SKIL: variants seen among roughly 807,000 people sequenced by gnomAD.
SKIL encodes SKI like proto-oncogene, also known as ski-like protein.
SKIL carries 20 observed loss-of-function variants against 69.6 expected under a neutral mutation model. That is an observed-to-expected ratio of 0.29 (90% CI 0.20 to 0.42). The LOEUF is 0.42. Among genes scored for constraint, SKIL ranks in the 10% least tolerant of loss-of-function variants. The pLI is 1.00. For synonymous variants in SKIL, 310 were observed against 279.9 expected, an observed-to-expected ratio of 1.11 and a Z score of -1.08; for missense variants, 745 against 783.1, an observed-to-expected ratio of 0.95 and a Z score of 0.58.
At chr3:170,364,154 T>C (rs1736383092) in intron 2 of SKIL, among the ~76,000 whole-genome samples, 2 of 152,024 alleles carry the variant, frequency 1.3e-5, no homozygotes, top group Non-Finnish European at 2.9e-5. Flanking sequence ...GGTTTCACCA[T>C]GTTGCCCAGG....
In SKIL at chr3:170,393,569, ATCT is replaced by A. The variant is rs1393412837; in HGVS notation, c.*1156_*1158del. 2 of 152,172 alleles carry A rather than the reference ATCT, an allele frequency of 1.3e-5. No individual in the cohort carries two copies. Among genetic ancestry groups the A allele is most frequent in the African/African-American group, 2.4e-5 (1 of 41,456 alleles). The allele number at this position is 152,172 out of a possible 1,614,324, so 9.4% of individuals were successfully genotyped here. A position where few individuals can be genotyped will look rare whatever the true frequency, so the allele number is the denominator to read the frequency against. On this transcript the variant is annotated 3_prime_UTR_variant, in exon 7 of 7. Coordinates refer to ENST00000259119, the MANE Select transcript of SKIL (RefSeq NM_005414.5). ...ATTCCATAGTTTCAGGAGGGACAAC[ATCT>A]TCTGCACTTTTTTTTTGCACAGAAA...
At chr3:170,380,174 CAA>C (rs1737258896) in intron 2 of SKIL, among the ~76,000 whole-genome samples, 1 of 152,074 alleles carries the variant, frequency 6.6e-6, no homozygotes, top group East Asian at 1.9e-4. Flanking sequence ...AGTTTAATGA[CAA>C]GTGTTAGCAA....
chr3:170,364,117 A>C (rs1736379028), intron 2 of SKIL, among the ~76,000 whole-genome samples: 1 of 151,038 alleles, frequency 6.6e-6, no homozygotes, highest in Non-Finnish European at 1.5e-5. Flanking sequence ...TGCCCAGCTA[A>C]TTTCTTTTGT....
chr3:170,377,784 G>C (rs1737107676), intron 2 of SKIL, among the ~76,000 whole-genome samples: 1 of 150,436 alleles, frequency 6.6e-6, no homozygotes, highest in African/African-American at 2.4e-5. Flanking sequence ...TTGAACTCCT[G>C]ATCTCGTGAT....
intron 2 of SKIL, among the ~76,000 whole-genome samples, chr3:170,372,146 C>T (rs1486686084): frequency 6.6e-6 from 1 of 152,142 alleles, no homozygotes; most frequent in Non-Finnish European, 1.5e-5. Context: ...TATAAAATGT[C>T]ACAGGATTAA....
Position 170,394,634 on chromosome 3 carries a change from A to G in SKIL, c.*2217A>G, listed in dbSNP as rs1449485383. ...TGAACTTGTAATTCAGAATTGAGTA[A>G]AGAAATATTTTTTCTAGTCCTTCAT... is the stretch of plus-strand genomic sequence containing the variant. On this transcript the variant is annotated 3_prime_UTR_variant, in exon 7 of 7. Coordinates refer to ENST00000259119, the MANE Select transcript of SKIL (RefSeq NM_005414.5). 3 of 152,226 alleles carry G rather than the reference A, an allele frequency of 2.0e-5. No individual in the cohort carries two copies. Among genetic ancestry groups the G allele is most frequent in the African/African-American group, 4.8e-5 (2 of 41,468 alleles). 9.4% of individuals were successfully genotyped at this position (152,226 alleles called of 1,614,324 possible). A position where few individuals can be genotyped will look rare whatever the true frequency, so the allele number is the denominator to read the frequency against.
At chr3:170,362,808 C>G (rs964336049) in intron 2 of SKIL, among the ~76,000 whole-genome samples, 12 of 148,918 alleles carry the variant, frequency 8.1e-5, no homozygotes, top group African/African-American at 2.7e-4. Flanking sequence ...GAGTAAGACT[C>G]CATTTCAAAA....
intron 1 of SKIL, among the ~76,000 whole-genome samples, chr3:170,358,217 GC>G: frequency 6.6e-6 from 1 of 152,286 alleles, no homozygotes. Flanking sequence ...CGGGGCTGGC[GC>G]GGGGAGGTGC....
chr3:170,365,235 G>A (rs545337933), intron 2 of SKIL, among the ~76,000 whole-genome samples: 1 of 152,300 alleles, frequency 6.6e-6, no homozygotes, highest in East Asian at 1.9e-4. Flanking sequence ...TGAATACAGG[G>A]CTTCTAACTC....
In SKIL at chr3:170,361,034, C is replaced by T. The variant is rs944780215; in HGVS notation, c.703C>T (p.Arg235Trp). The change falls in exon 2 of 7, where the codon CGG becomes TGG. Residue 235 changes from arginine (R) to tryptophan (W), a missense_variant. By Grantham distance (101) the Arg-to-Trp change is moderately radical. Coordinates refer to ENST00000259119, the MANE Select transcript of SKIL (RefSeq NM_005414.5). ...DAQRLCNALLRPRTFPQNGSV... is the reference protein window; with the variant it reads ...DAQRLCNALLWPRTFPQNGSV... The stretch of plus-strand genomic sequence containing the variant: ...ACAAAGATTATGTAATGCTTTATTG[C>T]GGCCACGAACTTTTCCTCAAAATGG... 6.2e-7 allele frequency: 1 copy of T among 1,614,160 alleles called. No homozygotes were observed. The highest frequency in any genetic ancestry group is 8.5e-7 in the Non-Finnish European group (1 of 1,180,024).
chr3:170,372,276 C>T (rs575953299), intron 2 of SKIL, among the ~76,000 whole-genome samples: 1 of 152,134 alleles, frequency 6.6e-6, no homozygotes, highest in Non-Finnish European at 1.5e-5. Flanking sequence ...TACAAGAACT[C>T]GAGCCTTTGC....
chr3:170,391,009 C>A, intron 5 of SKIL, 27 bp from the exon 6 acceptor site: 1 of 1,225,848 alleles, frequency 8.2e-7, no homozygotes, highest in Non-Finnish European at 1.2e-6. Flanking sequence ...TAAAGTAAAA[C>A]TTGTATTGTG....
At chr3:170,386,342 C>G (rs1488910032) in intron 4 of SKIL, among the ~76,000 whole-genome samples, 1 of 151,802 alleles carries the variant, frequency 6.6e-6, no homozygotes, top group African/African-American at 2.4e-5. Flanking sequence ...GTTGGTCAGT[C>G]TGGTCTCGAA....
At chr3:170,373,498 A>G (rs1736884893) in intron 2 of SKIL, among the ~76,000 whole-genome samples, 1 of 152,164 alleles carries the variant, frequency 6.6e-6, no homozygotes. Context: ...TATATTTGTA[A>G]AAAGGCTTAA....
chr3:170,375,146 G>A (rs776089187), intron 2 of SKIL, among the ~76,000 whole-genome samples: 6 of 152,190 alleles, frequency 3.9e-5, no homozygotes, highest in Non-Finnish European at 8.8e-5. Flanking sequence ...ACTTAACAGG[G>A]ATTTTAAATA....
intron 6 of SKIL, 117 bp from the exon 7 acceptor site, chr3:170,392,142 A>G (rs994355830): frequency 1.3e-6 from 1 of 745,072 alleles, no homozygotes; most frequent in South Asian, 2.0e-5. Flanking sequence ...TGGATTTAGT[A>G]TACATGAAAT....
chr3:170,394,477 G>A lies in SKIL; in HGVS notation c.*2060G>A, dbSNP rs1738094818. On this transcript the variant is annotated 3_prime_UTR_variant, in exon 7 of 7. Transcript: ENST00000259119. ...TTTCATTTATATTTCTAATTCACTT[G>A]GAACCTTTCTGCTTTATGTTACCTA... is the stretch of plus-strand genomic sequence containing the variant. 6.6e-6 allele frequency: 1 copy of A among 151,860 alleles called. No individual in the cohort carries two copies. The highest frequency in any genetic ancestry group is 6.6e-5 in the Admixed American group (1 of 15,232). 9.4% of individuals were successfully genotyped at this position (151,860 alleles called of 1,614,324 possible).
At chr3:170,381,363 C>T (rs372508254) in intron 3 of SKIL, 22 bp downstream of exon 3, 89 of 1,128,700 alleles carry the variant, frequency 7.9e-5, no homozygotes, top group Non-Finnish European at 1.1e-4. Flanking sequence ...TTTATTTGTT[C>T]GTTTGTTCAT....
chr3:170,389,438 C>T (rs903492205), intron 4 of SKIL, among the ~76,000 whole-genome samples: 6 of 150,900 alleles, frequency 4.0e-5, no homozygotes, highest in Middle Eastern at 3.5e-3. Flanking sequence ...CTCAGCCTCC[C>T]GAGTAGCTGG....
Sources: gnomAD v4.1 joint callset for allele counts (sites outside exome capture counted in the v4.1 genomes callset) on GRCh38, gnomAD v4.1.1 for gene constraint, MANE v1.5 for transcripts, NCBI Gene and HGNC (gene_info 2026-07-23, HGNC 2026-07-21) for gene names.